B3GAT2: variants seen among roughly 807,000 people sequenced by gnomAD.
B3GAT2 encodes beta-1,3-glucuronyltransferase 2, also known as galactosylgalactosylxylosylprotein 3-beta-glucuronosyltransferase 2.
Under a neutral mutation model 27.8 loss-of-function variants are expected in B3GAT2, and 26 were observed. The ratio of observed to expected loss-of-function variants is 0.93; its 90% CI spans 0.68 to 1.30. B3GAT2 has a LOEUF of 1.30. Ranked by LOEUF, B3GAT2 falls within the 50% of genes most tolerant of loss-of-function variation. B3GAT2 has a pLI of 0.00. For synonymous variants in B3GAT2, 218 were observed against 195.1 expected, an observed-to-expected ratio of 1.12 and a Z score of -0.98; for missense variants, 458 against 459.0, an observed-to-expected ratio of 1.00 and a Z score of 0.02.
intron 2 of B3GAT2, among the ~76,000 whole-genome samples, chr6:70,879,370 T>C (rs756288148): frequency 7.2e-5 from 11 of 152,230 alleles, no homozygotes; most frequent in Non-Finnish European, 1.6e-4. Flanking sequence ...AACCTGATGC[T>C]AGTCTGATTT....
At chr6:70,930,289 C>A (rs1051594690) in intron 1 of B3GAT2, among the ~76,000 whole-genome samples, 1 of 152,176 alleles carries the variant, frequency 6.6e-6, no homozygotes, top group Non-Finnish European at 1.5e-5. Flanking sequence ...TAGGCAAGGA[C>A]TTCATGACTA....
At position 70,861,360 on chromosome 6, in the gene B3GAT2, A is replaced by AAAAT. The variant is rs1434653986; in HGVS notation, c.*299_*302dup. ...ATAAGGGCAAATTGGAGAAAAAGAAAAAATATATACTCAAGAGTGGTATCT... is the reference window on the plus strand; with the variant it reads ...ATAAGGGCAAATTGGAGAAAAAGAAAAAATAAATATATACTCAAGAGTGGTATCT... On this transcript the variant is annotated 3_prime_UTR_variant, in exon 4 of 4. Coordinates refer to ENST00000230053, the MANE Select transcript of B3GAT2 (RefSeq NM_080742.3). The AAAAT allele has an allele frequency of 5.8e-5, 15 of 257,778 alleles. No homozygotes were observed. Among genetic ancestry groups the AAAAT allele is most frequent in the African/African-American group, 1.3e-4 (6 of 45,990 alleles). The allele number at this position is 257,778 out of a possible 1,614,324, so 16.0% of individuals were successfully genotyped here.
intron 1 of B3GAT2, among the ~76,000 whole-genome samples, chr6:70,897,015 AC>A (rs1365874749): frequency 6.6e-6 from 1 of 152,206 alleles, no homozygotes; most frequent in Non-Finnish European, 1.5e-5. Context: ...CTGCCATTTT[AC>A]ATTCTCATCA....
At chr6:70,917,671 G>C (rs1772796398) in intron 1 of B3GAT2, among the ~76,000 whole-genome samples, 1 of 152,182 alleles carries the variant, frequency 6.6e-6, no homozygotes, top group Admixed American at 6.5e-5. Context: ...AGTCATTCAG[G>C]AGCAGGTTGT....
chr6:70,897,961 A>G (rs1192380082), intron 1 of B3GAT2, among the ~76,000 whole-genome samples: 5 of 152,130 alleles, frequency 3.3e-5, no homozygotes, highest in Non-Finnish European at 7.4e-5. Context: ...AATCTGGTCC[A>G]TTGGTCTCTT....
intron 2 of B3GAT2, among the ~76,000 whole-genome samples, chr6:70,884,438 C>G (rs1772149744): frequency 6.6e-6 from 1 of 152,222 alleles, no homozygotes; most frequent in Non-Finnish European, 1.5e-5. Context: ...TTTGTTCAAG[C>G]TATTACCATC....
intron 2 of B3GAT2, among the ~76,000 whole-genome samples, chr6:70,877,324 C>T (rs1772031600): frequency 6.6e-6 from 1 of 152,162 alleles, no homozygotes; most frequent in South Asian, 2.1e-4. Context: ...AGGCATTTCA[C>T]TCTTTCACCC....
rs1771494973 is a variant in B3GAT2 at position 70,857,781 on chromosome 6, G to A, written c.*3882C>T. On this transcript the variant is annotated 3_prime_UTR_variant, in exon 4 of 4. Transcript: ENST00000230053. The stretch of plus-strand genomic sequence containing the variant: ...GCTCTCAGGGTTTAGGTGTGGGTTG[G>A]TCTGAGTAGTAGGAGCAGCCAAACT... 1.2e-6 allele frequency: 1 copy of A among 814,630 alleles called. No individual in the cohort carries two copies. The allele number at this position is 814,630 out of a possible 1,614,324, so 50.5% of individuals were successfully genotyped here. A position where few individuals can be genotyped will look rare whatever the true frequency, so the allele number is the denominator to read the frequency against.
rs1582328805 is a variant in B3GAT2 at position 70,860,127 on chromosome 6, A to G, written c.*1536T>C. ...TGTCACATTAATGAAAAAATGACCA[A>G]CTGTGTGGCTAAAGAAACAAGAATT... is the stretch of plus-strand genomic sequence containing the variant. On this transcript the variant is annotated 3_prime_UTR_variant, in exon 4 of 4. Transcript: ENST00000230053. 2.0e-6 allele frequency: 3 copies of G among 1,485,914 alleles called. No individual in the cohort carries two copies. Among genetic ancestry groups the G allele is most frequent in the Admixed American group, 2.4e-5 (1 of 42,092 alleles). 92.0% of individuals were successfully genotyped at this position (1,485,914 alleles called of 1,614,324 possible).
intron 1 of B3GAT2, among the ~76,000 whole-genome samples, chr6:70,945,079 C>T (rs1394933559): frequency 6.6e-6 from 1 of 152,114 alleles, no homozygotes; most frequent in Non-Finnish European, 1.5e-5. Flanking sequence ...CTGTACATCA[C>T]CATCATCAAA....
At chr6:70,867,161 C>T (rs1771864791) in intron 2 of B3GAT2, among the ~76,000 whole-genome samples, 1 of 151,918 alleles carries the variant, frequency 6.6e-6, no homozygotes, top group Admixed American at 6.5e-5. Context: ...TAGGATACAT[C>T]TAAAGGAGTG....
intron 1 of B3GAT2, among the ~76,000 whole-genome samples, chr6:70,911,235 G>T (rs1177397328): frequency 6.6e-6 from 1 of 151,992 alleles, no homozygotes; most frequent in Non-Finnish European, 1.5e-5. Flanking sequence ...TCTTTGCCAG[G>T]GACTATGTCC....
chr6:70,955,896 G>C lies in B3GAT2; in HGVS notation c.534C>G (p.Pro178=), dbSNP rs944850761. 5.0e-6 allele frequency: 8 copies of C among 1,604,302 alleles called. No homozygotes were observed. The African/African-American group carries it at 8.1e-5, about 16-fold the overall frequency. Residue 178 remains proline, a synonymous_variant, in exon 1 of 4, where the codon CCC becomes CCG. Transcript: ENST00000230053. ...RQRHQHQRAQ[P]GVLFFADDDN... ...CGTCGTCAGCGAAGAAGAGCACGCC[G>C]GGCTGCGCGCGCTGGTGCTGGTGCC...
intron 2 of B3GAT2, among the ~76,000 whole-genome samples, chr6:70,864,688 TG>T (rs1385493220): frequency 6.6e-6 from 1 of 152,172 alleles, no homozygotes; most frequent in Non-Finnish European, 1.5e-5. Context: ...GGGTTACTTT[TG>T]GGGAATCTGA....
chr6:70,869,038 GAGA>G (rs2150022850), intron 2 of B3GAT2, among the ~76,000 whole-genome samples: 1 of 152,246 alleles, frequency 6.6e-6, no homozygotes, highest in South Asian at 2.1e-4. Flanking sequence ...ACCAATTTTT[GAGA>G]AGACTTTTTT....
In B3GAT2 at chr6:70,859,213, C is replaced by G; in HGVS notation, c.*2450G>C. 1 of 648,226 alleles carries G rather than the reference C, an allele frequency of 1.5e-6. No individual in the cohort carries two copies. The highest frequency in any genetic ancestry group is 2.6e-6 in the Non-Finnish European group (1 of 387,608). 40.2% of individuals were successfully genotyped at this position (648,226 alleles called of 1,614,324 possible). A position where few individuals can be genotyped will look rare whatever the true frequency, so the allele number is the denominator to read the frequency against. ...ACATTGGTCTCTACCCGCTGGGAAT[C>G]TAAAAAATTGTATGTGCTAAGTGTC... On this transcript the variant is annotated 3_prime_UTR_variant, in exon 4 of 4. Transcript: ENST00000230053.
intron 1 of B3GAT2, among the ~76,000 whole-genome samples, chr6:70,943,959 CCA>C (rs1765433999): frequency 6.6e-6 from 1 of 152,088 alleles, no homozygotes; most frequent in South Asian, 2.1e-4. Flanking sequence ...AATGTTTTCA[CCA>C]CACACACAAA....
chr6:70,935,420 C>T (rs2150047228), intron 1 of B3GAT2, among the ~76,000 whole-genome samples: 1 of 152,056 alleles, frequency 6.6e-6, no homozygotes, highest in South Asian at 2.1e-4. Flanking sequence ...CACCACTACA[C>T]TCCAGTCTGG....
chr6:70,940,705 A>G (rs939530629), intron 1 of B3GAT2, among the ~76,000 whole-genome samples: 4 of 152,160 alleles, frequency 2.6e-5, no homozygotes, highest in Non-Finnish European at 5.9e-5. Flanking sequence ...AGGTGGGTGC[A>G]TCACCTGAGG....
Sources: allele counts gnomAD v4.1 joint callset (sites outside exome capture counted in the v4.1 genomes callset), GRCh38; gene constraint gnomAD v4.1.1; transcripts MANE v1.5; gene names NCBI Gene and HGNC (gene_info 2026-07-23, HGNC 2026-07-21).